The following TBC1D22A variants were observed in gnomAD, a reference collection of about 807,000 sequenced individuals.
TBC1D22A encodes the protein TBC1 domain family member 22A, also known as putative GTPase activator.
Under a neutral mutation model 60.2 loss-of-function variants are expected in TBC1D22A, and 38 were observed. The observed-to-expected ratio is 0.63, with a 90% confidence interval of 0.49 to 0.83. The LOEUF is 0.83. TBC1D22A is among the 40% of genes least tolerant of loss of function. The pLI is 0.00. For synonymous variants in TBC1D22A, 302 were observed against 281.7 expected (o/e 1.07, Z -0.72); for missense variants, 628 against 701.0 (o/e 0.90, Z 1.18).
At chr22:47,003,876 A>T (rs1444028593) in intron 10 of TBC1D22A, among the ~76,000 whole-genome samples, 1 of 137,276 alleles carries the variant, frequency 7.3e-6, no homozygotes, top group African/African-American at 2.8e-5. Context: ...CCCACCAGAT[A>T]CATATACACA....
chr22:47,005,800 TAC>T (rs1459831209), intron 10 of TBC1D22A, among the ~76,000 whole-genome samples: 5 of 150,128 alleles, frequency 3.3e-5, no homozygotes, highest in African/African-American at 9.9e-5. Flanking sequence ...CAGCCTTATA[TAC>T]ACACTCTCCA....
In TBC1D22A at chr22:46,997,504, G is replaced by A. The variant is rs3747263; in HGVS notation, c.1126-130G>A. 0.33 allele frequency: 229,263 copies of A among 698,966 alleles called. 40,609 individuals are homozygous for A. The highest frequency in any genetic ancestry group is 0.6 in the African/African-American group (33,687 of 56,478). 43.3% of individuals were successfully genotyped at this position (698,966 alleles called of 1,614,324 possible). ...GGGTGCATCCACTTGTGTGTTTCTC[G>A]AGATAAAATCTCTGTTTGTGAATTC... On this transcript the variant is annotated intron_variant, in intron 9 of 12. Coordinates refer to ENST00000337137, the MANE Select transcript of TBC1D22A (RefSeq NM_014346.5).
At chr22:46,968,947 G>T (rs151286745) in intron 8 of TBC1D22A, among the ~76,000 whole-genome samples, 1 of 152,164 alleles carries the variant, frequency 6.6e-6, no homozygotes, top group Non-Finnish European at 1.5e-5. Flanking sequence ...CTGTCCACTC[G>T]TCCATCTCTC....
chr22:46,987,336 A>C (rs2074765647), intron 9 of TBC1D22A, among the ~76,000 whole-genome samples: 1 of 152,208 alleles, frequency 6.6e-6, no homozygotes, highest in Non-Finnish European at 1.5e-5. Context: ...ACTTGTATCT[A>C]GTAATCTTGC....
At chr22:46,989,315 G>T (rs2074845256) in intron 9 of TBC1D22A, among the ~76,000 whole-genome samples, 1 of 151,740 alleles carries the variant, frequency 6.6e-6, no homozygotes, top group Admixed American at 6.6e-5. Context: ...TTTCCTTCAA[G>T]AACTTTTCCT....
At chr22:46,948,298 G>A (rs967532376) in intron 8 of TBC1D22A, among the ~76,000 whole-genome samples, 3 of 152,088 alleles carry the variant, frequency 2.0e-5, no homozygotes, top group African/African-American at 7.2e-5. Context: ...TTTGTTCTAC[G>A]CCAGAGCAAG....
intron 8 of TBC1D22A, among the ~76,000 whole-genome samples, chr22:46,920,088 A>ATGTATGTATGTATGT (rs60783794): frequency 0.03 from 4,408 of 145,862 alleles, 128 homozygotes; most frequent in African/African-American, 0.07. Flanking sequence ...TGTATGTATG[A>ATGTATGTATGTATGT]ATGAAGGAGA....
At chr22:46,874,629 A>T (rs1488115867) in intron 4 of TBC1D22A, among the ~76,000 whole-genome samples, 2 of 120,848 alleles carry the variant, frequency 1.7e-5, no homozygotes, top group African/African-American at 6.5e-5. Flanking sequence ...GCTGGAATGC[A>T]GTGGTGCAGT....
chr22:46,953,939 G>A (rs2073052188), intron 8 of TBC1D22A, among the ~76,000 whole-genome samples: 1 of 152,232 alleles, frequency 6.6e-6, no homozygotes. Context: ...GAGTTGATCA[G>A]GTTAACTGAT....
intron 4 of TBC1D22A, among the ~76,000 whole-genome samples, chr22:46,840,257 A>G (rs1301309346): frequency 1.3e-5 from 2 of 152,226 alleles, no homozygotes; most frequent in African/African-American, 4.8e-5. Context: ...AGCAAAAATG[A>G]AAACCAAACA....
Position 47,111,243 on chromosome 22 carries a change from T to A in TBC1D22A, c.1330-265T>A, listed in dbSNP as rs369565681. ...CTATTGTCTGCGCAAGAGAGAAGAA[T>A]GAACAACCGCTTCTGAGGCTGTCTG... On this transcript the variant is annotated intron_variant, in intron 11 of 12. Transcript: ENST00000337137. Among the ~76,000 whole-genome samples the A allele has an allele frequency of 2.0e-5, 3 of 152,376 alleles. No individual in the cohort carries two copies. The East Asian group carries it at 5.8e-4, about 29-fold the overall frequency.
chr22:46,902,841 A>AG (rs1451990968), intron 7 of TBC1D22A, among the ~76,000 whole-genome samples: 1 of 152,286 alleles, frequency 6.6e-6, no homozygotes, highest in Admixed American at 6.5e-5. Context: ...TGTCCTCAGC[A>AG]GCGCACAGTT....
chr22:47,126,434 G>T (rs1197409221), intron 12 of TBC1D22A, among the ~76,000 whole-genome samples: 9 of 152,238 alleles, frequency 5.9e-5, no homozygotes, highest in Admixed American at 5.2e-4. Flanking sequence ...GTGGAGGCCA[G>T]CATGCGGCCA....
At chr22:47,138,264 C>T (rs1420261310) in intron 12 of TBC1D22A, among the ~76,000 whole-genome samples, 2 of 152,214 alleles carry the variant, frequency 1.3e-5, no homozygotes, top group Admixed American at 6.5e-5. Context: ...GTGCTCTGTG[C>T]CCCCAGCTAA....
intron 12 of TBC1D22A, among the ~76,000 whole-genome samples, chr22:47,137,660 T>C (rs568315305): frequency 1.6e-4 from 24 of 152,336 alleles, no homozygotes; most frequent in African/African-American, 5.8e-4. Flanking sequence ...CCGGCCACAC[T>C]GGGCTACACC....
chr22:47,090,802 G>A (rs6009123), intron 11 of TBC1D22A, among the ~76,000 whole-genome samples: 50,309 of 130,806 alleles, frequency 0.38, 8,147 homozygotes, highest in East Asian at 0.51. Flanking sequence ...GAGTGGCCTC[G>A]CGGAGGGGGT....
chr22:46,799,852 G>A (rs1409261583), intron 4 of TBC1D22A, among the ~76,000 whole-genome samples: 1 of 152,222 alleles, frequency 6.6e-6, no homozygotes, highest in Admixed American at 6.5e-5. Flanking sequence ...ACGTGGTGCT[G>A]GTGGGTCCTC....
chr22:46,848,558 C>T (rs2087125778), intron 4 of TBC1D22A, among the ~76,000 whole-genome samples: 1 of 152,248 alleles, frequency 6.6e-6, no homozygotes. Context: ...TGCAGCCCCT[C>T]TGTCAGTGCC....
In TBC1D22A at chr22:47,100,120, G is replaced by A. The variant is rs11912385; in HGVS notation, c.1330-11388G>A. Reference sequence around the variant, plus strand: ...AACCCAGCTGGGTGGCTTCCAGGGTGCTGCCTGGCCCATCCCTGCAGCTGC... The same window carrying A: ...AACCCAGCTGGGTGGCTTCCAGGGTACTGCCTGGCCCATCCCTGCAGCTGC... On this transcript the variant is annotated intron_variant, in intron 11 of 12. Coordinates refer to ENST00000337137, the MANE Select transcript of TBC1D22A (RefSeq NM_014346.5). Among the ~76,000 whole-genome samples, 1,374 of 152,320 alleles carry A rather than the reference G, an allele frequency of 9.0e-3. 25 individuals carry two copies. The highest frequency in any genetic ancestry group is 0.032 in the African/African-American group (1,312 of 41,564).
Sources: gnomAD v4.1 joint callset for allele counts (sites outside exome capture counted in the v4.1 genomes callset) on GRCh38, gnomAD v4.1.1 for gene constraint, MANE v1.5 for transcripts, NCBI Gene and HGNC (gene_info 2026-07-23, HGNC 2026-07-21) for gene names.